The following GRK5 variants were observed in gnomAD, a reference collection of about 807,000 sequenced individuals.
GRK5 encodes G protein-coupled receptor kinase 5.
A neutral mutation model predicts 78.4 loss-of-function variants in GRK5; 40 were observed. That is an observed-to-expected ratio of 0.51 (90% CI 0.40 to 0.66). The LOEUF is 0.66. Ranked by LOEUF, GRK5 falls within the 30% of genes least tolerant of loss-of-function variation. The pLI is 0.00. For missense variants in GRK5, 598 were observed against 759.9 expected, an observed-to-expected ratio of 0.79 and a Z score of 2.50; for synonymous variants, 289 against 296.8, an observed-to-expected ratio of 0.97 and a Z score of 0.27.
At position 119,443,486 on chromosome 10, in the gene GRK5, G is replaced by C. The variant is rs1412203256; in HGVS notation, c.1058-58G>C. On this transcript the variant is annotated intron_variant, in intron 11 of 15. Transcript: ENST00000392870. ...CCATGAAACTCCAGGCCTTCTGTGA[G>C]CAGCGCCACCAGCTGTCTCCCTCCT... 4 of 1,489,384 alleles carry C rather than the reference G, an allele frequency of 2.7e-6. No homozygotes were observed. The Admixed American group carries it at 7.2e-5, about 27-fold the overall frequency. 92.3% of individuals were successfully genotyped at this position (1,489,384 alleles called of 1,614,324 possible). A position where few individuals can be genotyped will look rare whatever the true frequency, so the allele number is the denominator to read the frequency against.
In GRK5 at chr10:119,431,778, G is replaced by A. The variant is rs1484813502; in HGVS notation, c.738+251G>A. On this transcript the variant is annotated intron_variant, in intron 8 of 15. Coordinates refer to ENST00000392870, the MANE Select transcript of GRK5 (RefSeq NM_005308.3). The surrounding 1 kb of genome is among the most constrained non-coding windows in gnomAD (Gnocchi z 4.8). ...CTGGCTCCCTGCTGTGCATGAGACC[G>A]ACGCCTCTGTTCTCCTGGACCACTT... 6.6e-6 allele frequency among the ~76,000 whole-genome samples: 1 copy of A among 152,218 alleles called. No individual in the cohort carries two copies. The highest frequency in any genetic ancestry group is 2.4e-5 in the African/African-American group (1 of 41,452).
chr10:119,296,588 G>T (rs1218278501), intron 1 of GRK5, among the ~76,000 whole-genome samples: 3 of 152,208 alleles, frequency 2.0e-5, no homozygotes, highest in Non-Finnish European at 4.4e-5. Flanking sequence ...TGGTCAAAGT[G>T]AAGGCTGCTG....
chr10:119,220,752 T>C (rs986826366), intron 1 of GRK5, among the ~76,000 whole-genome samples: 1 of 151,804 alleles, frequency 6.6e-6, no homozygotes, highest in Non-Finnish European at 1.5e-5. Context: ...GGAGAATCGC[T>C]TGAACCCGGG....
chr10:119,357,061 G>A (rs1446917949), intron 2 of GRK5, among the ~76,000 whole-genome samples: 1 of 152,248 alleles, frequency 6.6e-6, no homozygotes, highest in South Asian at 2.1e-4. Flanking sequence ...ACAAAGTGAG[G>A]TGTGAAGGTG....
At chr10:119,335,794 A>G (rs1850876466) in intron 2 of GRK5, 1 of 152,224 alleles carries the variant, frequency 6.6e-6, no homozygotes, top group Admixed American at 6.5e-5. Context: ...TCCTGGAAGG[A>G]TCTCTGTCAC....
Position 119,253,684 on chromosome 10 carries a change from AGCTCC to A in GRK5, c.52+45717_52+45721del, listed in dbSNP as rs1219983886. ...ACTGTGGCTCTGGGCAGCCCAGCCC[AGCTCC>A]GGGGTGGATGCAAGGCCTGAGAGTG... On this transcript the variant is annotated intron_variant, in intron 1 of 15. Transcript: ENST00000392870. The surrounding 1 kb of genome is among the most constrained non-coding windows in gnomAD (Gnocchi z 5.7). Among the ~76,000 whole-genome samples the A allele has an allele frequency of 6.6e-6, 1 of 152,186 alleles. No homozygotes were observed. The highest frequency in any genetic ancestry group is 6.5e-5 in the Admixed American group (1 of 15,276).
chr10:119,276,611 T>C (rs1849674667), intron 1 of GRK5, among the ~76,000 whole-genome samples: 1 of 152,224 alleles, frequency 6.6e-6, no homozygotes, highest in Non-Finnish European at 1.5e-5. Context: ...TTTGGGTATA[T>C]ACCCAGTAAT....
In GRK5 at chr10:119,396,634, T is replaced by C. The variant is rs184629160; in HGVS notation, c.262-61T>C. 2.3e-5 allele frequency: 32 copies of C among 1,384,962 alleles called. No homozygotes were observed. The South Asian group carries it at 3.5e-4, about 15-fold the overall frequency. The allele number at this position is 1,384,962 out of a possible 1,614,324, so 85.8% of individuals were successfully genotyped here. On this transcript the variant is annotated intron_variant, in intron 3 of 15. Transcript: ENST00000392870. Reference sequence around the variant, plus strand: ...ATTTCCTCCAGGGGCTGTGAGGTTCTGTAACTATAAGAAGCTCATGAGCAA... The same window carrying C: ...ATTTCCTCCAGGGGCTGTGAGGTTCCGTAACTATAAGAAGCTCATGAGCAA...
chr10:119,421,365 C>G lies in GRK5; in HGVS notation c.340-1801C>G, dbSNP rs578042338. On this transcript the variant is annotated intron_variant, in intron 4 of 15. Transcript: ENST00000392870. The stretch of plus-strand genomic sequence containing the variant: ...CTTAGAGGCACAAGCCCCCAGTTGT[C>G]GACTCCCAAATCTCAAAGGACCCTT... 1.4e-4 allele frequency among the ~76,000 whole-genome samples: 21 copies of G among 152,324 alleles called. No individual in the cohort carries two copies. In the South Asian group the frequency reaches 3.7e-3, roughly 27 times the overall value.
In GRK5 at chr10:119,457,796, C is replaced by T. The variant is rs893152300; in HGVS notation, c.*2729C>T. 2 of 151,268 alleles carry T rather than the reference C, an allele frequency of 1.3e-5. No individual in the cohort carries two copies. The highest frequency in any genetic ancestry group is 2.9e-5 in the Non-Finnish European group (2 of 67,956). 9.4% of individuals were successfully genotyped at this position (151,268 alleles called of 1,614,324 possible). On this transcript the variant is annotated 3_prime_UTR_variant, in exon 16 of 16. Transcript: ENST00000392870. ...CAAACTCCTGAGTCCAAGCTATCCT[C>T]CTGCCTCAGCCTCCGAGGTAGCTGG...
intron 2 of GRK5, among the ~76,000 whole-genome samples, chr10:119,364,578 G>C (rs1003376313): frequency 2.0e-5 from 3 of 152,110 alleles, no homozygotes; most frequent in Admixed American, 6.6e-5. Flanking sequence ...CCTCCCTCCT[G>C]CTGTACCCCA....
chr10:119,246,178 G>T (rs1222921094), intron 1 of GRK5, among the ~76,000 whole-genome samples: 1 of 151,906 alleles, frequency 6.6e-6, no homozygotes, highest in East Asian at 1.9e-4. Flanking sequence ...TAAATCCATG[G>T]ATGCTCAAGT....
intron 6 of GRK5, among the ~76,000 whole-genome samples, chr10:119,426,673 C>T (rs1352213880): frequency 1.3e-5 from 2 of 152,180 alleles, no homozygotes; most frequent in Non-Finnish European, 2.9e-5. Flanking sequence ...TCCATCACCA[C>T]CATCATCACC....
chr10:119,303,537 C>G (rs963214770), intron 1 of GRK5, among the ~76,000 whole-genome samples: 2 of 152,230 alleles, frequency 1.3e-5, no homozygotes, highest in Middle Eastern at 3.4e-3. Context: ...GAGTGTGGGC[C>G]TGGGGCATAG....
intron 2 of GRK5, among the ~76,000 whole-genome samples, chr10:119,366,267 C>T (rs1030145989): frequency 2.6e-5 from 4 of 152,200 alleles, no homozygotes; most frequent in Admixed American, 6.5e-5. Flanking sequence ...GAATAGCTTT[C>T]TCATGGCTGC....
At chr10:119,313,283 GA>G (rs1850428300) in intron 1 of GRK5, among the ~76,000 whole-genome samples, 1 of 150,684 alleles carries the variant, frequency 6.6e-6, no homozygotes, top group Non-Finnish European at 1.5e-5. Context: ...TGGTGATGGG[GA>G]TGGTGGTAAT....
chr10:119,280,969 G>A (rs994643242), intron 1 of GRK5, among the ~76,000 whole-genome samples: 2 of 151,792 alleles, frequency 1.3e-5, no homozygotes, highest in Non-Finnish European at 2.9e-5. Flanking sequence ...TAGTAGAGAC[G>A]GGGTTTCATC....
chr10:119,266,267 C>G (rs1849494787), intron 1 of GRK5, among the ~76,000 whole-genome samples: 1 of 152,114 alleles, frequency 6.6e-6, no homozygotes, highest in African/African-American at 2.4e-5. Flanking sequence ...ACCAGCCTGG[C>G]CAACATGGTG....
chr10:119,220,192 G>A (rs955696082), intron 1 of GRK5, among the ~76,000 whole-genome samples: 51 of 152,168 alleles, frequency 3.4e-4, no homozygotes, highest in African/African-American at 1.2e-3. Context: ...GCCAAGCCCT[G>A]TGATATATAA....
Sources: gnomAD v4.1 joint callset for allele counts (sites outside exome capture counted in the v4.1 genomes callset) on GRCh38, gnomAD v4.1.1 for gene constraint, Gnocchi (gnomAD v3.1) non-coding constraint, MANE v1.5 for transcripts, NCBI Gene and HGNC (gene_info 2026-07-23, HGNC 2026-07-21) for gene names.